LAMA2: variants seen among roughly 807,000 people sequenced by gnomAD.
The protein encoded by LAMA2 is laminin subunit alpha-2.
Under a neutral mutation model 364.8 loss-of-function variants are expected in LAMA2, and 269 were observed. The ratio of observed to expected loss-of-function variants is 0.74; its 90% CI spans 0.67 to 0.82. The LOEUF is 0.82. Among genes scored for constraint, LAMA2 ranks in the 40% least tolerant of loss-of-function variants. The pLI is 0.00. For synonymous variants in LAMA2, 1,379 were observed against 1,370.6 expected, an observed-to-expected ratio of 1.01 and a Z score of -0.14; for missense variants, 3,807 against 3,873.2, an observed-to-expected ratio of 0.98 and a Z score of 0.45.
chr6:128,926,438 A>C (rs1285723618), intron 1 of LAMA2, among the ~76,000 whole-genome samples: 3 of 152,162 alleles, frequency 2.0e-5, no homozygotes, highest in East Asian at 1.9e-4. Context: ...CTTTAATAAC[A>C]ATCTGATTTG....
intron 63 of LAMA2, among the ~76,000 whole-genome samples, chr6:129,513,002 G>C (rs1432805468): frequency 6.6e-6 from 1 of 152,192 alleles, no homozygotes; most frequent in African/African-American, 2.4e-5. Context: ...TATAAAAGTA[G>C]TGTGTCAGTT....
chr6:129,330,325 G>T (rs1022770715), intron 29 of LAMA2, among the ~76,000 whole-genome samples: 2 of 151,726 alleles, frequency 1.3e-5, no homozygotes. Context: ...CATTGGAGAC[G>T]CTGCTCTACA....
intron 1 of LAMA2, among the ~76,000 whole-genome samples, chr6:129,044,556 CAT>C (rs140218566): frequency 3.0e-4 from 45 of 148,098 alleles, no homozygotes; most frequent in East Asian, 7.8e-4. Flanking sequence ...ATCCTATTAC[CAT>C]ATATATATAT....
At chr6:128,936,979 T>A (rs534576771) in intron 1 of LAMA2, among the ~76,000 whole-genome samples, 1 of 152,252 alleles carries the variant, frequency 6.6e-6, no homozygotes, top group South Asian at 2.1e-4. Flanking sequence ...AAAGGAATGG[T>A]TCATCTCCTG....
In LAMA2 at chr6:129,453,212, A is replaced by G. The variant is rs986329770; in HGVS notation, c.6573+81A>G. 17 of 1,285,952 alleles carry G rather than the reference A, an allele frequency of 1.3e-5. No homozygotes were observed. In the African/African-American group the frequency reaches 2.3e-4, roughly 18 times the overall value. The allele number at this position is 1,285,952 out of a possible 1,614,324, so 79.7% of individuals were successfully genotyped here. A position where few individuals can be genotyped will look rare whatever the true frequency, so the allele number is the denominator to read the frequency against. On this transcript the variant is annotated intron_variant, in intron 46 of 64. Transcript: ENST00000421865. ...AATCTGAAAATGTATAGAATCCCCA[A>G]ATGTATATGGTCCCCAAATGGTCTA...
intron 4 of LAMA2, among the ~76,000 whole-genome samples, chr6:129,118,493 A>C (rs1776604554): frequency 2.0e-5 from 3 of 152,236 alleles, no homozygotes; most frequent in South Asian, 4.1e-4. Flanking sequence ...TTTTAAAGCT[A>C]TCTGAAAATG....
intron 8 of LAMA2, among the ~76,000 whole-genome samples, chr6:129,159,891 G>A (rs900134518): frequency 3.3e-5 from 5 of 151,982 alleles, no homozygotes; most frequent in Non-Finnish European, 7.4e-5. Flanking sequence ...CTGTTAACGG[G>A]GACAATTTAT....
chr6:129,507,369 T>A (rs1583928163), intron 61 of LAMA2, 120 bp from the exon 62 acceptor site: 1 of 1,053,432 alleles, frequency 9.5e-7, no homozygotes, highest in Non-Finnish European at 1.5e-6. Flanking sequence ...TTGGGGGATA[T>A]CCCATCCTAA....
chr6:129,099,545 T>A (rs1007364511), intron 4 of LAMA2, among the ~76,000 whole-genome samples: 1 of 152,174 alleles, frequency 6.6e-6, no homozygotes, highest in Non-Finnish European at 1.5e-5. Context: ...TACTCATGTC[T>A]GATATTCTCT....
chr6:129,322,326 A>G (rs1364175002), intron 28 of LAMA2, among the ~76,000 whole-genome samples: 3 of 152,234 alleles, frequency 2.0e-5, no homozygotes, highest in African/African-American at 7.2e-5. Context: ...TCCAATATAC[A>G]TATGTACACA....
At chr6:129,007,175 A>T (rs1414519942) in intron 1 of LAMA2, among the ~76,000 whole-genome samples, 3 of 152,188 alleles carry the variant, frequency 2.0e-5, no homozygotes, top group African/African-American at 4.8e-5. Flanking sequence ...TCTAAGCTAC[A>T]TTGGCAGAGC....
At chr6:129,146,553 G>A (rs975984507) in intron 5 of LAMA2, among the ~76,000 whole-genome samples, 2 of 151,962 alleles carry the variant, frequency 1.3e-5, no homozygotes, top group African/African-American at 4.8e-5. Flanking sequence ...GTAAAACAGT[G>A]TGCGTATGAT....
intron 1 of LAMA2, among the ~76,000 whole-genome samples, chr6:128,984,162 G>C (rs573207833): frequency 1.3e-5 from 2 of 152,064 alleles, no homozygotes; most frequent in Non-Finnish European, 2.9e-5. Context: ...AGTCATTCTT[G>C]TTTCCCCATG....
chr6:129,072,244 T>A lies in LAMA2; in HGVS notation c.396+12348T>A, dbSNP rs546927051. Among the ~76,000 whole-genome samples the A allele has an allele frequency of 5.9e-5, 9 of 152,324 alleles. No individual in the cohort carries two copies. The South Asian group carries it at 1.9e-3, about 32-fold the overall frequency. On this transcript the variant is annotated intron_variant, in intron 3 of 64. Transcript: ENST00000421865. ...GAGTTATATTTATATATATTGATAC[T>A]TTTAAATTAGAGACATACAAATTTA... is the stretch of plus-strand genomic sequence containing the variant.
chr6:129,311,373 G>A (rs1303288662), intron 22 of LAMA2, among the ~76,000 whole-genome samples: 1 of 151,906 alleles, frequency 6.6e-6, no homozygotes, highest in African/African-American at 2.4e-5. Flanking sequence ...CGCCCTCCTC[G>A]GCCTCCCAAA....
At chr6:129,062,346 A>G (rs1788976725) in intron 3 of LAMA2, among the ~76,000 whole-genome samples, 1 of 152,180 alleles carries the variant, frequency 6.6e-6, no homozygotes, top group Non-Finnish European at 1.5e-5. Flanking sequence ...GGCTGGGGCA[A>G]CATGAATAGT....
At chr6:129,087,882 T>G (rs1320376884) in intron 3 of LAMA2, among the ~76,000 whole-genome samples, 1 of 151,398 alleles carries the variant, frequency 6.6e-6, no homozygotes, top group East Asian at 1.9e-4. Context: ...ATTTCTTTTT[T>G]TTTTAATTTA....
intron 18 of LAMA2, among the ~76,000 whole-genome samples, chr6:129,287,598 T>A (rs1230976865): frequency 6.6e-6 from 1 of 152,198 alleles, no homozygotes; most frequent in Non-Finnish European, 1.5e-5. Context: ...TGGTCTCATT[T>A]TCAGTGCCAG....
chr6:129,389,552 A>T (rs1208973861), intron 35 of LAMA2, among the ~76,000 whole-genome samples: 1 of 152,192 alleles, frequency 6.6e-6, no homozygotes. Flanking sequence ...GCTCTGTATT[A>T]ATCTCTTCTC....
Sources: allele counts gnomAD v4.1 joint callset (sites outside exome capture counted in the v4.1 genomes callset), GRCh38; gene constraint gnomAD v4.1.1; transcripts MANE v1.5; gene names NCBI Gene and HGNC (gene_info 2026-07-23, HGNC 2026-07-21).